ZNF446: variants seen among roughly 807,000 people sequenced by gnomAD.
ZNF446 encodes the protein zinc finger protein 446, also known as zinc finger protein with KRAB and SCAN domains 20.
A neutral mutation model predicts 34.0 loss-of-function variants in ZNF446; 42 were observed. That is an observed-to-expected ratio of 1.23 (90% CI 0.96 to 1.60). The LOEUF (loss-of-function observed/expected upper bound fraction) is 1.60. Ranked by LOEUF, ZNF446 falls within the 40% of genes most tolerant of loss-of-function variation. The probability of loss-of-function intolerance (pLI) is 0.00; values close to 1 mark genes in which losing one functional copy is unlikely to be tolerated. For missense variants in ZNF446, 650 were observed against 600.2 expected, an observed-to-expected ratio of 1.08 and a Z score of -0.87; for synonymous variants, 315 against 251.0, an observed-to-expected ratio of 1.25 and a Z score of -2.41.
chr19:58,476,783 C>G (rs1354639928), intron 1 of ZNF446, among the ~76,000 whole-genome samples: 1 of 152,088 alleles, frequency 6.6e-6, no homozygotes, highest in Non-Finnish European at 1.5e-5. Flanking sequence ...CCTGGCCCCA[C>G]CTTCTACCCG....
rs1600011505 is a variant in ZNF446 at position 58,480,111 on chromosome 19, C to T, written c.803-65C>T. Reference sequence around the variant, plus strand: ...CATGGGGGGACGGGAGCTTGTGCCACGGCCACAAGCCTGAGGGAGGGGTTG... The same window carrying T: ...CATGGGGGGACGGGAGCTTGTGCCATGGCCACAAGCCTGAGGGAGGGGTTG... On this transcript the variant is annotated intron_variant, in intron 6 of 6. Coordinates refer to ENST00000594369, the MANE Select transcript of ZNF446 (RefSeq NM_017908.4). The surrounding 1 kb of genome is among the most constrained non-coding windows in gnomAD (Gnocchi z 7.2). 7.0e-6 allele frequency: 11 copies of T among 1,560,824 alleles called. No individual in the cohort carries two copies. The highest frequency in any genetic ancestry group is 4.6e-5 in the South Asian group (4 of 86,676).
intron 1 of ZNF446, 83 bp from the exon 2 acceptor site, chr19:58,477,096 T>C (rs2122438438): frequency 1.2e-6 from 1 of 847,994 alleles, no homozygotes; most frequent in African/African-American, 1.7e-5. Flanking sequence ...GGTCCTGGTC[T>C]CAGCCCCCTG....
rs1269207560 is a variant in ZNF446 at position 58,480,144 on chromosome 19, C to T, written c.803-32C>T. 1 of 1,579,914 alleles carries T rather than the reference C, an allele frequency of 6.3e-7. No individual in the cohort carries two copies. Among genetic ancestry groups the T allele is most frequent in the South Asian group, 1.1e-5 (1 of 88,816 alleles). On this transcript the variant is annotated intron_variant, in intron 6 of 6. Coordinates refer to ENST00000594369, the MANE Select transcript of ZNF446 (RefSeq NM_017908.4). The surrounding 1 kb of genome is among the most constrained non-coding windows in gnomAD (Gnocchi z 7.2). Reference sequence around the variant, plus strand: ...AGCCTGAGGGAGGGGTTGCTGAGTGCCGGGACTCACCTGGTTTGCCCCTGC... The same window carrying T: ...AGCCTGAGGGAGGGGTTGCTGAGTGTCGGGACTCACCTGGTTTGCCCCTGC...
downstream of ZNF446, among the ~76,000 whole-genome samples, chr19:58,481,446 C>T (rs574133631): frequency 1.6e-4 from 25 of 152,218 alleles, no homozygotes; most frequent in African/African-American, 2.9e-4. Context: ...TCATCAGTCC[C>T]GGCTTGAGAG....
At chr19:58,481,996 G>T (rs560086281), downstream of ZNF446, among the ~76,000 whole-genome samples, 3 of 152,018 alleles carry the variant, frequency 2.0e-5, no homozygotes, top group Non-Finnish European at 4.4e-5. Flanking sequence ...GGGTTTCACC[G>T]TGTTAGCCAG....
chr19:58,478,033 A>G (rs1304021655), intron 3 of ZNF446, 54 bp from the exon 4 acceptor site: 12 of 1,531,230 alleles, frequency 7.8e-6, no homozygotes, highest in South Asian at 1.2e-5. Context: ...CTCATCTGCC[A>G]TGGCTCATGT....
chr19:58,484,782 G>C (rs1452417201), downstream of ZNF446, among the ~76,000 whole-genome samples: 1 of 152,036 alleles, frequency 6.6e-6, no homozygotes. Flanking sequence ...TTTCAGCCGG[G>C]TGCAGTGGTT....
At chr19:58,488,102 T>A in the ZNF446 span, among the ~76,000 whole-genome samples, 1 of 147,168 alleles carries the variant, frequency 6.8e-6, no homozygotes, top group African/African-American at 2.5e-5. Flanking sequence ...AGGGCAGGAC[T>A]TCACCTGCCT....
chr19:58,477,275 TGAG>T lies in ZNF446; in HGVS notation c.61_63del (p.Glu21del), dbSNP rs1568616419. The T allele has an allele frequency of 2.5e-6, 4 of 1,610,900 alleles. No individual in the cohort carries two copies. The highest frequency in any genetic ancestry group is 2.5e-6 in the Non-Finnish European group (3 of 1,178,710). On this transcript the variant is annotated inframe_deletion, in exon 2 of 7. Coordinates refer to ENST00000594369, the MANE Select transcript of ZNF446 (RefSeq NM_017908.4). The stretch of plus-strand genomic sequence containing the variant: ...CCGTCATGGACCCAGAGACCACCCT[TGAG>T]GAGCCTGAGACTGCCCGCCTCCGCT...
At chr19:58,477,928 C>T in intron 3 of ZNF446, 102 bp downstream of exon 3, 1 of 1,353,018 alleles carries the variant, frequency 7.4e-7, no homozygotes, top group Non-Finnish European at 9.9e-7. Context: ...GGCTGGGACT[C>T]CTGAAGTGAA....
At position 58,481,188 on chromosome 19, in the gene ZNF446, C is replaced by T. The variant is rs553514015; in HGVS notation, c.*462C>T. The T allele has an allele frequency of 6.0e-6, 1 of 166,656 alleles. No homozygotes were observed. Among genetic ancestry groups the T allele is most frequent in the South Asian group, 1.8e-4 (1 of 5,580 alleles). 10.3% of individuals were successfully genotyped at this position (166,656 alleles called of 1,614,324 possible). On this transcript the variant is annotated 3_prime_UTR_variant, in exon 7 of 7. Coordinates refer to ENST00000594369, the MANE Select transcript of ZNF446 (RefSeq NM_017908.4). ...AGTTGGCTTCCGTTTCTCCTGCTCC[C>T]TGTGTGTGTTAGAATTTTAACATAA...
chr19:58,486,568 C>T, the ZNF446 span, among the ~76,000 whole-genome samples: 68 of 151,638 alleles, frequency 4.5e-4, no homozygotes, highest in African/African-American at 1.5e-3. Context: ...CCACCGCACC[C>T]GGCTAATTTT....
At chr19:58,484,096 AT>A (rs2053156626), downstream of ZNF446, among the ~76,000 whole-genome samples, 1 of 151,972 alleles carries the variant, frequency 6.6e-6, no homozygotes, top group Non-Finnish European at 1.5e-5. Flanking sequence ...TTATTGTACA[AT>A]TCTGGAGACC....
rs567876261 is a variant in ZNF446, at chr19:58,477,480, G to C, written c.262G>C (p.Gly88Arg). 8.7e-6 allele frequency: 14 copies of C among 1,613,496 alleles called. No homozygotes were observed. Among genetic ancestry groups the C allele is most frequent in the Non-Finnish European group, 1.1e-5 (13 of 1,180,018 alleles). Residue 88 changes from glycine (G) to arginine (R), a missense_variant, in exon 2 of 7, where the codon GGT (glycine) becomes CGT (arginine). Gly to Arg is a moderately radical substitution (Grantham distance 125). Coordinates refer to ENST00000594369, the MANE Select transcript of ZNF446 (RefSeq NM_017908.4). The stretch of plus-strand genomic sequence containing the variant: ...TCCCGAGATCCAGGCCTGGGTGCGC[G>C]GTCAGCGGCCAGGCAGTCCTGAGGA... ...LPPEIQAWVR[G>R]QRPGSPEEAA...
chr19:58,488,716 T>A, the ZNF446 span, among the ~76,000 whole-genome samples: 1 of 151,712 alleles, frequency 6.6e-6, no homozygotes, highest in Admixed American at 6.6e-5. Flanking sequence ...CCGAGCTTGG[T>A]AGCAGGCACC....
downstream of ZNF446, chr19:58,483,580 G>A (rs1160707084): frequency 6.6e-6 from 1 of 152,110 alleles, no homozygotes; most frequent in East Asian, 1.9e-4. Flanking sequence ...AGCCCAGGAG[G>A]TTAAGGCTGC....
At chr19:58,484,465 CA>C (rs762913939), downstream of ZNF446, among the ~76,000 whole-genome samples, 175 of 97,354 alleles carry the variant, frequency 1.8e-3, no homozygotes, top group Middle Eastern at 5.7e-3. Context: ...GACTCCATCT[CA>C]AAAAAAAAAA....
At position 58,480,458 on chromosome 19, in the gene ZNF446, C is replaced by G. The variant is rs1426387360; in HGVS notation, c.1085C>G (p.Ser362Cys). 2 of 1,612,762 alleles carry G rather than the reference C, an allele frequency of 1.2e-6. No individual in the cohort carries two copies. Among genetic ancestry groups the G allele is most frequent in the African/African-American group, 1.3e-5 (1 of 74,860 alleles). ...RTHTSGPGVQ[S>C]PGLATGESTE... ...CACACGAGTGGGCCAGGTGTGCAGT[C>G]CCCGGGGCTAGCCACCGGGGAAAGC... The change falls in exon 7 of 7, where the codon TCC becomes TGC. Residue 362 changes from serine to cysteine, a missense_variant. Coordinates refer to ENST00000594369, the MANE Select transcript of ZNF446 (RefSeq NM_017908.4). This position sits in a 1 kb window ranked among gnomAD's most constrained non-coding sequence, Gnocchi z 7.2.
intron 5 of ZNF446, 33 bp downstream of exon 5, chr19:58,479,760 C>T (rs778951885): frequency 1.3e-6 from 2 of 1,593,548 alleles, no homozygotes. Flanking sequence ...CCGCCCCTCT[C>T]CCTGGGGCCT....
Sources: allele counts gnomAD v4.1 joint callset (sites outside exome capture counted in the v4.1 genomes callset), GRCh38; gene constraint gnomAD v4.1.1; non-coding constraint Gnocchi (gnomAD v3.1); transcripts MANE v1.5; gene names NCBI Gene and HGNC (gene_info 2026-07-23, HGNC 2026-07-21).